RAB4A: variants seen among roughly 807,000 people sequenced by gnomAD.
RAB4A encodes the protein ras-related protein Rab-4A.
Under a neutral mutation model 34.5 loss-of-function variants are expected in RAB4A, and 20 were observed. That is an observed-to-expected ratio of 0.58 (90% CI 0.41 to 0.84). The LOEUF is 0.84. RAB4A is among the 40% of genes least tolerant of loss of function. The pLI, the probability that RAB4A is intolerant of heterozygous loss-of-function variation, is 0.00. For missense variants in RAB4A, 228 were observed against 274.5 expected, an observed-to-expected ratio of 0.83 and a Z score of 1.20; for synonymous variants, 102 against 100.0, an observed-to-expected ratio of 1.02 and a Z score of -0.12.
At chr1:229,302,259 A>T (rs1185748389) in intron 6 of RAB4A, among the ~76,000 whole-genome samples, 13 of 12,444 alleles carry the variant, frequency 1.0e-3, no homozygotes, top group East Asian at 6.8e-3. Context: ...GTAAATAATT[A>T]TATATATATA....
At chr1:229,298,948 G>A (rs779949029) in intron 5 of RAB4A, 29 bp from the exon 6 acceptor site, 2 of 1,509,022 alleles carry the variant, frequency 1.3e-6, no homozygotes, top group South Asian at 2.3e-5. Context: ...TTCTAAACAT[G>A]ACTTTATTTT....
chr1:229,271,591 A>C (rs2102828499), intron 1 of RAB4A, among the ~76,000 whole-genome samples: 1 of 152,228 alleles, frequency 6.6e-6, no homozygotes, highest in Admixed American at 6.5e-5. Flanking sequence ...GGCGCTGTGC[A>C]CAGCGCATTG....
intron 6 of RAB4A, among the ~76,000 whole-genome samples, chr1:229,299,671 G>A (rs969620522): frequency 9.2e-5 from 14 of 152,136 alleles, no homozygotes; most frequent in Non-Finnish European, 1.6e-4. Context: ...CTATATATGG[G>A]CATCACCTTT....
intron 1 of RAB4A, among the ~76,000 whole-genome samples, chr1:229,277,901 G>T (rs1169216661): frequency 6.6e-6 from 1 of 151,258 alleles, no homozygotes; most frequent in African/African-American, 2.5e-5. Flanking sequence ...GTCTCACTCT[G>T]TTGCCCAGTC....
chr1:229,284,094 G>GTTTTTTTTTTTTTTTTTTT lies in RAB4A; in HGVS notation c.32-2386_32-2368dup, dbSNP rs773213321. ...TTTTTTTTGTTGTTGGTGTTGTTTG[G>GTTTTTTTTTTTTTTTTTTT]TTTTTTTTTTTTTTTTTTTTTTTTG... is the stretch of plus-strand genomic sequence containing the variant. On this transcript the variant is annotated intron_variant, in intron 1 of 7. Coordinates refer to ENST00000366690, the MANE Select transcript of RAB4A (RefSeq NM_004578.4). Among the ~76,000 whole-genome samples, 2 of 45,904 alleles carry GTTTTTTTTTTTTTTTTTTT rather than the reference G, an allele frequency of 4.4e-5. 1 individual carries two copies. Among genetic ancestry groups the GTTTTTTTTTTTTTTTTTTT allele is most frequent in the African/African-American group, 2.0e-4 (2 of 9,764 alleles). 30.1% of individuals were successfully genotyped at this position (45,904 alleles called of 152,430 possible).
intron 1 of RAB4A, among the ~76,000 whole-genome samples, chr1:229,273,168 A>G (rs1179798145): frequency 6.6e-6 from 1 of 152,216 alleles, no homozygotes; most frequent in African/African-American, 2.4e-5. Context: ...ATCAGTAAGA[A>G]AGGATTGGAA....
chr1:229,299,731 A>G (rs1657333461), intron 6 of RAB4A, among the ~76,000 whole-genome samples: 1 of 152,228 alleles, frequency 6.6e-6, no homozygotes, highest in Non-Finnish European at 1.5e-5. Flanking sequence ...ATGCTGGGAT[A>G]CAAAAATGAA....
At chr1:229,299,116 C>T (rs1657317295) in intron 6 of RAB4A, 44 bp downstream of exon 6, 1 of 1,324,400 alleles carries the variant, frequency 7.6e-7, no homozygotes, top group Admixed American at 2.1e-5. Flanking sequence ...GCATATTTTA[C>T]ACTGTAGCTC....
At chr1:229,279,688 A>T (rs1656733564) in intron 1 of RAB4A, among the ~76,000 whole-genome samples, 1 of 152,158 alleles carries the variant, frequency 6.6e-6, no homozygotes, top group Non-Finnish European at 1.5e-5. Flanking sequence ...ATTATTTGAT[A>T]CCTTTCCTAT....
intron 2 of RAB4A, among the ~76,000 whole-genome samples, chr1:229,286,777 C>T (rs183562282): frequency 6.6e-6 from 1 of 152,294 alleles, no homozygotes; most frequent in Admixed American, 6.5e-5. Flanking sequence ...GTTACTTCTA[C>T]TGTACATTTT....
At chr1:229,282,083 A>G (rs1656793063) in intron 1 of RAB4A, among the ~76,000 whole-genome samples, 1 of 152,062 alleles carries the variant, frequency 6.6e-6, no homozygotes, top group Admixed American at 6.5e-5. Flanking sequence ...CTTCCTGTTT[A>G]GAGAAATTCC....
At chr1:229,286,942 T>G (rs1412425084) in intron 2 of RAB4A, among the ~76,000 whole-genome samples, 2 of 152,200 alleles carry the variant, frequency 1.3e-5, no homozygotes, top group Non-Finnish European at 2.9e-5. Context: ...GTGTTGTAGT[T>G]AAGGCAGTTG....
rs1013190465 is a variant in RAB4A at position 229,303,981 on chromosome 1, T to C, written c.*188T>C. ...AGCAAATCATATAAATCGAATTAAA[T>C]GGACAACACCGTTAGATGTGTATGT... On this transcript the variant is annotated 3_prime_UTR_variant, in exon 8 of 8. Coordinates refer to ENST00000366690, the MANE Select transcript of RAB4A (RefSeq NM_004578.4). The C allele has an allele frequency of 2.0e-5, 3 of 152,194 alleles. No individual in the cohort carries two copies. Among genetic ancestry groups the C allele is most frequent in the African/African-American group, 7.2e-5 (3 of 41,442 alleles). The allele number at this position is 152,194 out of a possible 1,614,324, so 9.4% of individuals were successfully genotyped here.
intron 1 of RAB4A, among the ~76,000 whole-genome samples, chr1:229,283,031 T>A (rs1406068977): frequency 6.6e-6 from 1 of 152,248 alleles, no homozygotes; most frequent in Non-Finnish European, 1.5e-5. Flanking sequence ...TATTTTTATA[T>A]TATGTTATAG....
intron 3 of RAB4A, 115 bp from the exon 4 acceptor site, chr1:229,295,733 G>C: frequency 2.2e-6 from 2 of 894,936 alleles, no homozygotes; most frequent in East Asian, 2.5e-5. Flanking sequence ...TTTTAAACCA[G>C]TGTCTGTCCC....
At position 229,288,731 on chromosome 1, in the gene RAB4A, A is replaced by G; in HGVS notation, c.115A>G (p.Lys39Glu). 6.7e-7 allele frequency: 1 copy of G among 1,496,560 alleles called. No homozygotes were observed. The allele number at this position is 1,496,560 out of a possible 1,614,324, so 92.7% of individuals were successfully genotyped here. ...CTGTTCTTGTTTTTCTTTTTTAGTC[A>G]AAGATGACTCAAATCATACAATAGG... is the stretch of plus-strand genomic sequence containing the variant. The part of the protein sequence containing the change: ...LLHQFIEKKF[K>E]DDSNHTIGVE... The change falls in exon 3 of 8, where the codon AAA becomes GAA. Residue 39 changes from lysine to glutamate, a missense_variant and splice_region_variant. Physicochemically the swap from Lys to Glu is moderately conservative, Grantham distance 56. Transcript: ENST00000366690.
chr1:229,288,186 G>A (rs1327866931), intron 2 of RAB4A, among the ~76,000 whole-genome samples: 1 of 151,878 alleles, frequency 6.6e-6, no homozygotes, highest in Non-Finnish European at 1.5e-5. Flanking sequence ...TTTTTTGGAG[G>A]GTGCTTTGTT....
At chr1:229,275,614 CTTTTTT>C (rs1028884521) in intron 1 of RAB4A, among the ~76,000 whole-genome samples, 2,694 of 131,006 alleles carry the variant, frequency 0.021, 78 homozygotes, top group African/African-American at 0.07. Flanking sequence ...ATTTCTTTTC[CTTTTTT>C]TTTTTTTTTT....
chr1:229,289,109 G>T (rs1233419791), intron 3 of RAB4A: 1 of 390,630 alleles, frequency 2.6e-6, no homozygotes, highest in African/African-American at 2.1e-5. Context: ...GGAGGATGTG[G>T]CACTGTGTAT....
Sources: allele counts gnomAD v4.1 joint callset (sites outside exome capture counted in the v4.1 genomes callset), GRCh38; gene constraint gnomAD v4.1.1; transcripts MANE v1.5; gene names NCBI Gene and HGNC (gene_info 2026-07-23, HGNC 2026-07-21).